The following COL27A1 variants were observed in gnomAD, a reference collection of about 807,000 sequenced individuals.
COL27A1 encodes collagen type XXVII alpha 1 chain.
Under a neutral mutation model 251.3 loss-of-function variants are expected in COL27A1, and 106 were observed. The observed-to-expected ratio is 0.42, with a 90% CI of 0.36 to 0.50. COL27A1 has a LOEUF of 0.50. Ranked by LOEUF, COL27A1 falls within the 20% of genes least tolerant of loss-of-function variation. The probability of loss-of-function intolerance (pLI) is 0.00; values close to 1 mark genes in which losing one functional copy is unlikely to be tolerated. For synonymous variants in COL27A1, 1,000 were observed against 986.3 expected (o/e 1.01, Z -0.26); for missense variants, 2,325 against 2,522.8 (o/e 0.92, Z 1.68).
chr9:114,305,327 T>G (rs1297470717), intron 57 of COL27A1, among the ~76,000 whole-genome samples: 3 of 152,188 alleles, frequency 2.0e-5, no homozygotes, highest in African/African-American at 7.2e-5. Context: ...ACAGCATGGA[T>G]GAGCCCCTTA....
At chr9:114,156,324 G>A (rs1848121599) in intron 1 of COL27A1, among the ~76,000 whole-genome samples, 1 of 151,570 alleles carries the variant, frequency 6.6e-6, no homozygotes, top group East Asian at 2.0e-4. Flanking sequence ...GGTGCGGAGG[G>A]GGGCTTTTTG....
At chr9:114,228,674 G>A (rs1398210408) in intron 14 of COL27A1, among the ~76,000 whole-genome samples, 1 of 152,212 alleles carries the variant, frequency 6.6e-6, no homozygotes, top group African/African-American at 2.4e-5. Context: ...ATCTTCATGG[G>A]CTGTGGTGAG....
In COL27A1 at chr9:114,302,094, G is replaced by A; in HGVS notation, c.4858G>A (p.Gly1620Ser). The stretch of plus-strand genomic sequence containing the variant: ...TCTTCTTTTGCAGGGTCCTCCAGGG[G>A]GTCCTATCCAATTGGTAAGTTGGAA... ...GRPGPPGPPG[G>S]PIQLQQDDLG... The change falls in exon 56 of 61, where the codon GGT becomes AGT. Residue 1620 changes from glycine (G) to serine (S), a missense_variant. Transcript: ENST00000356083. 6.2e-7 allele frequency: 1 copy of A among 1,612,900 alleles called. No individual in the cohort carries two copies. Among genetic ancestry groups the A allele is most frequent in the Non-Finnish European group, 8.5e-7 (1 of 1,178,906 alleles).
intron 23 of COL27A1, 92 bp downstream of exon 23, chr9:114,243,652 T>G: frequency 9.3e-7 from 1 of 1,077,568 alleles, no homozygotes; most frequent in East Asian, 2.5e-5. Flanking sequence ...CATGGCCAGT[T>G]GTGAAAAGGG....
intron 39 of COL27A1, among the ~76,000 whole-genome samples, 173 bp from the exon 40 acceptor site, chr9:114,283,536 C>A (rs957851110): frequency 6.6e-6 from 1 of 152,156 alleles, no homozygotes; most frequent in Admixed American, 6.5e-5. Flanking sequence ...TGGGGAACTC[C>A]AGGGAGGAGG....
chr9:114,179,993 C>A (rs913183883), intron 4 of COL27A1, among the ~76,000 whole-genome samples: 1 of 152,042 alleles, frequency 6.6e-6, no homozygotes, highest in Admixed American at 6.6e-5. Context: ...CACACGCCCC[C>A]GGGCCCAGCT....
intron 5 of COL27A1, among the ~76,000 whole-genome samples, chr9:114,186,314 C>T (rs1356405474): frequency 1.2e-4 from 18 of 152,230 alleles, no homozygotes; most frequent in Admixed American, 9.8e-4. Flanking sequence ...CCGCTTAGAG[C>T]GGTGCTGACC....
intron 7 of COL27A1, among the ~76,000 whole-genome samples, chr9:114,204,248 G>C (rs1469588826): frequency 1.3e-5 from 2 of 152,166 alleles, no homozygotes; most frequent in Non-Finnish European, 2.9e-5. Flanking sequence ...TCTAAAGCAA[G>C]CCCAGAGCTC....
At chr9:114,302,298 CA>C (rs1180379366) in intron 56 of COL27A1, among the ~76,000 whole-genome samples, 190 bp downstream of exon 56, 1 of 152,140 alleles carries the variant, frequency 6.6e-6, no homozygotes, top group Non-Finnish European at 1.5e-5. Context: ...GGCCAGGAGG[CA>C]GGAAACCTAA....
At chr9:114,170,062 G>A (rs1280976484) in intron 3 of COL27A1, among the ~76,000 whole-genome samples, 2 of 152,214 alleles carry the variant, frequency 1.3e-5, no homozygotes, top group South Asian at 2.1e-4. Context: ...TGGGAGATGC[G>A]ATGGTGCTTG....
intron 14 of COL27A1, 35 bp from the exon 15 acceptor site, chr9:114,231,044 G>A (rs368050750): frequency 3.1e-6 from 5 of 1,604,080 alleles, no homozygotes; most frequent in Non-Finnish European, 4.3e-6. Flanking sequence ...GTGGGCCACT[G>A]CTCACAGCAC....
chr9:114,156,037 C>T lies in COL27A1; in HGVS notation c.62+25C>T, dbSNP rs199586912. ...GGTGAGTACGAACTCGGGGACGCCC[C>T]CTCCCTAGCTTCCTGCTGCTCCAAT... On this transcript the variant is annotated intron_variant, in intron 1 of 60. Transcript: ENST00000356083. 3,009 of 1,297,044 alleles carry T rather than the reference C, an allele frequency of 2.3e-3. 13 individuals are homozygous for T. The highest frequency in any genetic ancestry group is 2.0e-3 in the Non-Finnish European group (2,029 of 1,018,682). 80.3% of individuals were successfully genotyped at this position (1,297,044 alleles called of 1,614,324 possible).
At chr9:114,284,551 G>T (rs143944569) in intron 40 of COL27A1, among the ~76,000 whole-genome samples, 173 bp from the exon 41 acceptor site, 1 of 152,176 alleles carries the variant, frequency 6.6e-6, no homozygotes, top group Non-Finnish European at 1.5e-5. Context: ...GGACCAGCAC[G>T]GCACATCTGG....
Position 114,169,222 on chromosome 9 carries a change from C to T in COL27A1, c.1667C>T (p.Pro556Leu). 3 of 1,614,028 alleles carry T rather than the reference C, an allele frequency of 1.9e-6. No homozygotes were observed. Among genetic ancestry groups the T allele is most frequent in the South Asian group, 2.2e-5 (2 of 91,048 alleles). ...GPKSSPRKPV[P>L]LRPGKAARDV... Reference sequence around the variant, plus strand: ...AAGAGCAGCCCCCGGAAGCCTGTCCCCCTCAGACCTGGGAAGGCAGCCAGG... The same window carrying T: ...AAGAGCAGCCCCCGGAAGCCTGTCCTCCTCAGACCTGGGAAGGCAGCCAGG... The change falls in exon 3 of 61, where the codon CCC (proline) becomes CTC (leucine). Residue 556 changes from proline (P) to leucine (L), a missense_variant. Physicochemically the swap from Pro to Leu is moderately conservative, Grantham distance 98. Transcript: ENST00000356083.
At chr9:114,299,039 C>T (rs1400983898) in intron 49 of COL27A1, among the ~76,000 whole-genome samples, 2 of 152,104 alleles carry the variant, frequency 1.3e-5, no homozygotes, top group Non-Finnish European at 2.9e-5. Flanking sequence ...ATGAAAACCA[C>T]CAAGAGAACC....
At chr9:114,276,484 A>G (rs1464452346) in intron 37 of COL27A1, among the ~76,000 whole-genome samples, 1 of 152,238 alleles carries the variant, frequency 6.6e-6, no homozygotes, top group Non-Finnish European at 1.5e-5. Context: ...GCATGCCTAT[A>G]GTCTCAGTTA....
chr9:114,257,900 C>T (rs567337654), intron 27 of COL27A1, among the ~76,000 whole-genome samples: 1 of 152,254 alleles, frequency 6.6e-6, no homozygotes, highest in Admixed American at 6.5e-5. Flanking sequence ...GACCTTTTGT[C>T]ATACATGTCA....
intron 14 of COL27A1, among the ~76,000 whole-genome samples, chr9:114,226,092 C>G (rs1354838836): frequency 6.6e-6 from 1 of 152,274 alleles, no homozygotes; most frequent in South Asian, 2.1e-4. Context: ...GTGCCTGATT[C>G]CAGAATCTGC....
intron 21 of COL27A1, among the ~76,000 whole-genome samples, chr9:114,241,244 G>A (rs1400395492): frequency 2.0e-5 from 3 of 152,348 alleles, no homozygotes; most frequent in Admixed American, 6.5e-5. Context: ...TAGCTCAGGC[G>A]CCAGGCCCCC....
Sources: allele counts gnomAD v4.1 joint callset (sites outside exome capture counted in the v4.1 genomes callset), GRCh38; gene constraint gnomAD v4.1.1; transcripts MANE v1.5; gene names NCBI Gene and HGNC (gene_info 2026-07-23, HGNC 2026-07-21).